The following POLQ variants were observed in gnomAD, a reference collection of about 807,000 sequenced individuals.
POLQ encodes epididymis secretory sperm binding protein.
In POLQ, 233 loss-of-function variants were observed where a neutral mutation model predicts 259.2. The observed-to-expected ratio is 0.90, with a 90% CI of 0.81 to 1.00. The LOEUF (loss-of-function observed/expected upper bound fraction) is 1.00. POLQ is among the 50% of genes least tolerant of loss of function. The pLI is 0.00. For synonymous variants in POLQ, 1,025 were observed against 1,048.8 expected, an observed-to-expected ratio of 0.98 and a Z score of 0.44; for missense variants, 2,871 against 3,051.6, an observed-to-expected ratio of 0.94 and a Z score of 1.39.
rs748483271 is a variant in POLQ at position 121,487,763 on chromosome 3, C to A, written c.5168G>T (p.Arg1723Leu). ...ATCATCAACTATATTACTTTCTTTACGAGGTAAGAGGGATGAGGTTTCATC... is the reference window on the plus strand; with the variant it reads ...ATCATCAACTATATTACTTTCTTTAAGAGGTAAGAGGGATGAGGTTTCATC... The part of the protein sequence containing the change: ...NHDETSSLLP[R>L]KESNIVDDNG... Residue 1723 changes from arginine (R) to leucine (L), a missense_variant, in exon 16 of 30, where the codon CGT becomes CTT. This residue lies in a region of POLQ where 2,080 missense variants were observed against 2,126.0 expected (regional missense o/e 0.98). Transcript: ENST00000264233. 1 of 1,612,570 alleles carries A rather than the reference C, an allele frequency of 6.2e-7. No individual in the cohort carries two copies. Among genetic ancestry groups the A allele is most frequent in the South Asian group, 1.1e-5 (1 of 90,922 alleles).
chr3:121,541,474 T>C lies in POLQ; in HGVS notation c.349A>G (p.Thr117Ala). Residue 117 changes from threonine to alanine, a missense_variant, in exon 3 of 30, where the codon ACA becomes GCA. Transcript: ENST00000264233. Reference protein sequence around the residue: ...EGKNLVYSAPTSAGKTLVAEL... With the variant: ...EGKNLVYSAPASAGKTLVAEL... Reference sequence around the variant, plus strand: ...GCCACAAGAGTCTTCCCAGCACTTGTAGGAGCTAAAACATGATTATTCCAC... The same window carrying C: ...GCCACAAGAGTCTTCCCAGCACTTGCAGGAGCTAAAACATGATTATTCCAC... The C allele has an allele frequency of 6.3e-7, 1 of 1,596,902 alleles. No homozygotes were observed. Among genetic ancestry groups the C allele is most frequent in the East Asian group, 2.2e-5 (1 of 44,768 alleles).
At chr3:121,514,279 G>C (rs1288291788) in intron 9 of POLQ, among the ~76,000 whole-genome samples, 1 of 144,170 alleles carries the variant, frequency 6.9e-6, no homozygotes, top group African/African-American at 2.6e-5. Context: ...AGTGAACCAA[G>C]ATTGCGCCAT....
At chr3:121,509,773 T>G (rs1410100920) in intron 11 of POLQ, 70 bp from the exon 12 acceptor site, 12 of 1,462,574 alleles carry the variant, frequency 8.2e-6, no homozygotes, top group Non-Finnish European at 1.0e-5. Context: ...AATACTATCT[T>G]TCTGTTTTCC....
chr3:121,457,261 A>G (rs1183568327), intron 25 of POLQ, among the ~76,000 whole-genome samples: 5 of 152,208 alleles, frequency 3.3e-5, no homozygotes, highest in African/African-American at 1.2e-4. Flanking sequence ...TTACTTGTTA[A>G]ACCTAAAACC....
chr3:121,463,050 C>T (rs1336553011), intron 24 of POLQ, among the ~76,000 whole-genome samples: 1 of 152,180 alleles, frequency 6.6e-6, no homozygotes, highest in African/African-American at 2.4e-5. Context: ...TAACAAGAAT[C>T]AATCACATTT....
intron 25 of POLQ, among the ~76,000 whole-genome samples, chr3:121,457,677 A>G: frequency 6.6e-6 from 1 of 152,206 alleles, no homozygotes; most frequent in Non-Finnish European, 1.5e-5. Context: ...AATCAAAACC[A>G]CAATGAGATA....
chr3:121,449,007 A>G (rs2047652219), intron 26 of POLQ, among the ~76,000 whole-genome samples: 1 of 152,202 alleles, frequency 6.6e-6, no homozygotes, highest in African/African-American at 2.4e-5. Flanking sequence ...TCAATAGTTT[A>G]CTGTTTCAAA....
chr3:121,433,738 G>A (rs2047520704), intron 28 of POLQ, among the ~76,000 whole-genome samples: 1 of 152,158 alleles, frequency 6.6e-6, no homozygotes, highest in South Asian at 2.1e-4. Context: ...TGACCAAAAA[G>A]ATAAAGCTCA....
At chr3:121,451,116 T>C (rs2047671541) in intron 25 of POLQ, among the ~76,000 whole-genome samples, 1 of 152,218 alleles carries the variant, frequency 6.6e-6, no homozygotes, top group South Asian at 2.1e-4. Flanking sequence ...ACGTAGTTCT[T>C]TTGCCACGGT....
At chr3:121,510,722 G>GT (rs1441680283) in intron 10 of POLQ, among the ~76,000 whole-genome samples, 4 of 152,140 alleles carry the variant, frequency 2.6e-5, no homozygotes, top group African/African-American at 9.7e-5. Flanking sequence ...ACCACTCACT[G>GT]TAACTGTTGG....
intron 14 of POLQ, chr3:121,494,047 C>T (rs928039641): frequency 6.4e-6 from 4 of 620,946 alleles, no homozygotes; most frequent in Non-Finnish European, 1.1e-5. Context: ...CTCTCTCTCT[C>T]TTTCTTAAGC....
intron 4 of POLQ, among the ~76,000 whole-genome samples, chr3:121,538,618 G>A (rs989413640): frequency 2.7e-5 from 4 of 149,842 alleles, no homozygotes; most frequent in African/African-American, 7.4e-5. Context: ...TCTGCCTGCC[G>A]TGTGCCAAGC....
chr3:121,456,000 C>A (rs919008606), intron 25 of POLQ, among the ~76,000 whole-genome samples: 4 of 152,062 alleles, frequency 2.6e-5, no homozygotes, highest in African/African-American at 7.2e-5. Flanking sequence ...ACTGGCAAAC[C>A]AAATCCAGCA....
At chr3:121,442,474 A>T (rs1335560517) in intron 26 of POLQ, among the ~76,000 whole-genome samples, 2 of 151,856 alleles carry the variant, frequency 1.3e-5, no homozygotes, top group Non-Finnish European at 2.9e-5. Flanking sequence ...CCATTACTCT[A>T]CTCTCTATCT....
chr3:121,512,257 T>C (rs781577226), intron 9 of POLQ, among the ~76,000 whole-genome samples: 27 of 152,206 alleles, frequency 1.8e-4, no homozygotes, highest in Non-Finnish European at 2.9e-4. Context: ...CTGAAGGCCA[T>C]TGGGAAGCAG....
At chr3:121,481,507 A>G in intron 19 of POLQ, 65 bp downstream of exon 19, 1 of 1,422,706 alleles carries the variant, frequency 7.0e-7, no homozygotes, top group Non-Finnish European at 9.5e-7. Flanking sequence ...CCCATTTTTG[A>G]TAAAGAGTGG....
intron 14 of POLQ, among the ~76,000 whole-genome samples, chr3:121,495,219 C>T (rs1028396680): frequency 4.0e-5 from 6 of 151,552 alleles, no homozygotes; most frequent in Admixed American, 2.6e-4. Context: ...TGTGGTGAGC[C>T]GAGATCGTGC....
chr3:121,468,068 T>C (rs2047853305), intron 23 of POLQ, among the ~76,000 whole-genome samples: 1 of 152,202 alleles, frequency 6.6e-6, no homozygotes, highest in Non-Finnish European at 1.5e-5. Flanking sequence ...CAAATCTTTA[T>C]CTGAGACTCA....
At chr3:121,544,677 T>C in intron 2 of POLQ, 50 bp downstream of exon 2, 1 of 1,238,564 alleles carries the variant, frequency 8.1e-7, no homozygotes, top group Non-Finnish European at 1.2e-6. Flanking sequence ...TAGAGTATTC[T>C]TTACATTCAT....
Sources: gnomAD v4.1 joint callset for allele counts (sites outside exome capture counted in the v4.1 genomes callset) on GRCh38, gnomAD v4.1.1 for gene constraint, gnomAD v4.1.1 regional missense constraint, MANE v1.5 for transcripts, NCBI Gene and HGNC (gene_info 2026-07-23, HGNC 2026-07-21) for gene names.